IL1RAPL1: variants seen among roughly 807,000 people sequenced by gnomAD.
IL1RAPL1 encodes interleukin 1 receptor accessory protein like 1, also known as interleukin-1 receptor accessory protein-like 1.
In IL1RAPL1, 3 loss-of-function variants were observed where a neutral mutation model predicts 48.4. That is an observed-to-expected ratio of 0.06 (90% CI 0.03 to 0.16). The LOEUF is 0.16. Among genes scored for constraint, IL1RAPL1 ranks in the 10% least tolerant of loss-of-function variants. The pLI is 1.00. For synonymous variants in IL1RAPL1, 185 were observed against 187.7 expected, an observed-to-expected ratio of 0.99 and a Z score of 0.12; for missense variants, 349 against 530.6, an observed-to-expected ratio of 0.66 and a Z score of 3.36.
intron 2 of IL1RAPL1, among the ~76,000 whole-genome samples, chrX:29,241,770 G>T (rs1931426565): frequency 8.9e-6 from 1 of 112,109 alleles, no homozygotes; most frequent in African/African-American, 3.2e-5. Flanking sequence ...CTATAGTTCT[G>T]CCTTATTGTA....
intron 2 of IL1RAPL1, among the ~76,000 whole-genome samples, chrX:29,078,098 C>CGT (rs771007205): frequency 1.8e-5 from 2 of 111,523 alleles, no homozygotes; most frequent in South Asian, 7.6e-4. Context: ...GGTGAAACTC[C>CGT]GTGTCTACTA....
intron 5 of IL1RAPL1, among the ~76,000 whole-genome samples, chrX:29,477,648 G>T (rs1472079314): frequency 8.9e-6 from 1 of 111,873 alleles, no homozygotes; most frequent in Non-Finnish European, 1.9e-5. Context: ...AGAGGTAAAT[G>T]CACTATTATT....
intron 6 of IL1RAPL1, among the ~76,000 whole-genome samples, chrX:29,727,926 C>T (rs1308269712): frequency 1.8e-5 from 2 of 110,827 alleles, no homozygotes; most frequent in East Asian, 2.9e-4. Context: ...TCTTATTCTT[C>T]TTCTTGTTAT....
intron 6 of IL1RAPL1, among the ~76,000 whole-genome samples, chrX:29,701,055 C>T (rs1203677084): frequency 6.3e-5 from 7 of 111,588 alleles, no homozygotes; most frequent in African/African-American, 2.0e-4. Flanking sequence ...TGAAATTTTA[C>T]GTTACAAAAT....
chrX:29,138,693 C>T (rs1247049865), intron 2 of IL1RAPL1, among the ~76,000 whole-genome samples: 3 of 106,096 alleles, frequency 2.8e-5, no homozygotes, highest in African/African-American at 1.0e-4. Context: ...AGGAGAATCG[C>T]TTGAACCCGG....
chrX:28,734,437 A>G (rs1423251374), intron 1 of IL1RAPL1, among the ~76,000 whole-genome samples: 3 of 111,307 alleles, frequency 2.7e-5, no homozygotes, highest in Non-Finnish European at 5.7e-5. Flanking sequence ...GAAACATGCT[A>G]GACATGTGCC....
intron 2 of IL1RAPL1, among the ~76,000 whole-genome samples, chrX:29,091,653 T>C (rs1239239151): frequency 1.8e-5 from 2 of 111,309 alleles, no homozygotes; most frequent in African/African-American, 6.5e-5. Flanking sequence ...AATGAGAGTA[T>C]AGATTTAAAA....
At chrX:29,580,077 A>C (rs1922908452) in intron 5 of IL1RAPL1, among the ~76,000 whole-genome samples, 1 of 110,723 alleles carries the variant, frequency 9.0e-6, no homozygotes, top group Non-Finnish European at 1.9e-5. Context: ...TAGTATTCAC[A>C]ATTATTTTGC....
rs1032536095 is a variant in IL1RAPL1 at position 29,621,260 on chromosome X, A to G, written c.704-47170A>G. Among the ~76,000 whole-genome samples the G allele has an allele frequency of 3.2e-4, 36 of 111,662 alleles. 1 individual carries two copies. Among genetic ancestry groups the G allele is most frequent in the Admixed American group, 3.2e-3 (33 of 10,470 alleles). On this transcript the variant is annotated intron_variant, in intron 5 of 10. Coordinates refer to ENST00000378993, the MANE Select transcript of IL1RAPL1 (RefSeq NM_014271.4). ...ACATTATTGCTTAGCAGTTTAAAAC[A>G]ATATGTTCCATATATACATACATGT... is the stretch of plus-strand genomic sequence containing the variant.
chrX:29,035,066 A>T (rs549597589), intron 2 of IL1RAPL1, among the ~76,000 whole-genome samples: 2 of 111,037 alleles, frequency 1.8e-5, no homozygotes, highest in Admixed American at 1.9e-4. Context: ...ACAGGGTTTC[A>T]TCGTGTTAGC....
At chrX:29,766,023 A>C (rs1350090052) in intron 6 of IL1RAPL1, among the ~76,000 whole-genome samples, 1 of 110,236 alleles carries the variant, frequency 9.1e-6, no homozygotes, top group Non-Finnish European at 1.9e-5. Flanking sequence ...GAACTAAAAA[A>C]ATATAAATTT....
intron 5 of IL1RAPL1, among the ~76,000 whole-genome samples, chrX:29,596,824 T>A (rs1923565102): frequency 8.9e-6 from 1 of 111,920 alleles, no homozygotes; most frequent in Non-Finnish European, 1.9e-5. Context: ...TTGTGCAGAA[T>A]GCTTTCAACT....
intron 2 of IL1RAPL1, among the ~76,000 whole-genome samples, chrX:29,231,167 T>A (rs1429439181): frequency 9.0e-6 from 1 of 111,574 alleles, no homozygotes; most frequent in African/African-American, 3.3e-5. Context: ...TCTGTGCAGT[T>A]GCTTTTGTTT....
chrX:28,968,344 T>G (rs1473766056), intron 2 of IL1RAPL1, among the ~76,000 whole-genome samples: 1 of 111,243 alleles, frequency 9.0e-6, no homozygotes, highest in Non-Finnish European at 1.9e-5. Flanking sequence ...ACATCAGGTA[T>G]AAGGAGTTTA....
At chrX:28,867,785 T>G (rs1922113543) in intron 2 of IL1RAPL1, among the ~76,000 whole-genome samples, 2 of 111,053 alleles carry the variant, frequency 1.8e-5, no homozygotes, top group African/African-American at 6.6e-5. Context: ...AAAAGGAGAT[T>G]CCACAATTTC....
chrX:29,110,697 G>T (rs1928546046), intron 2 of IL1RAPL1, among the ~76,000 whole-genome samples: 1 of 111,553 alleles, frequency 9.0e-6, no homozygotes, highest in Non-Finnish European at 1.9e-5. Context: ...CTAATTTTTT[G>T]AGTGCTGCCG....
chrX:29,805,731 A>C (rs909026664), intron 6 of IL1RAPL1, among the ~76,000 whole-genome samples: 1 of 110,713 alleles, frequency 9.0e-6, no homozygotes, highest in African/African-American at 3.3e-5. Context: ...ATAATTATTG[A>C]TTAAAAGCTG....
chrX:28,752,429 G>C (rs762150959), intron 1 of IL1RAPL1, among the ~76,000 whole-genome samples: 41 of 112,343 alleles, frequency 3.6e-4, no homozygotes, highest in African/African-American at 1.1e-3. Context: ...AAGGCTGGGA[G>C]AATAGGATTC....
chrX:29,246,054 C>T (rs561110833), intron 2 of IL1RAPL1, among the ~76,000 whole-genome samples: 3 of 106,492 alleles, frequency 2.8e-5, no homozygotes, highest in East Asian at 6.0e-4. Context: ...TGATTCTGCA[C>T]CGTAGTACTT....
Sources: allele counts gnomAD v4.1 joint callset (sites outside exome capture counted in the v4.1 genomes callset), GRCh38; gene constraint gnomAD v4.1.1; transcripts MANE v1.5; gene names NCBI Gene and HGNC (gene_info 2026-07-23, HGNC 2026-07-21).